The following DNAJB4 variants were observed in gnomAD, a reference collection of about 807,000 sequenced individuals.
DNAJB4 encodes the protein DnaJ heat shock protein family (Hsp40) member B4.
DNAJB4 carries 10 observed loss-of-function variants against 26.6 expected under a neutral mutation model. The observed-to-expected ratio is 0.38, with a 90% CI of 0.23 to 0.64. The LOEUF is 0.64. Among genes scored for constraint, DNAJB4 ranks in the 30% least tolerant of loss-of-function variants. The pLI, the probability that DNAJB4 is intolerant of heterozygous loss-of-function variation, is 0.58. For synonymous variants in DNAJB4, 136 were observed against 134.8 expected (o/e 1.01, Z -0.06); for missense variants, 328 against 408.2 (o/e 0.80, Z 1.69).
chr1:77,997,999 T>C (rs932029697), intron 1 of DNAJB4, among the ~76,000 whole-genome samples: 2 of 152,160 alleles, frequency 1.3e-5, no homozygotes, highest in Non-Finnish European at 2.9e-5. Context: ...GGTCTTGAAC[T>C]CCTGGCCTCA....
intron 1 of DNAJB4, among the ~76,000 whole-genome samples, chr1:77,999,267 A>G (rs1249575434): frequency 6.6e-6 from 1 of 152,232 alleles, no homozygotes; most frequent in Non-Finnish European, 1.5e-5. Flanking sequence ...TGTATGTTTA[A>G]GAATTGTCAA....
intron 1 of DNAJB4, among the ~76,000 whole-genome samples, chr1:77,988,540 T>G (rs191731368): frequency 2.6e-4 from 39 of 152,320 alleles, no homozygotes; most frequent in African/African-American, 9.1e-4. Context: ...TCAGCCACCT[T>G]GCGGTTCCTC....
intron 1 of DNAJB4, among the ~76,000 whole-genome samples, chr1:77,996,366 G>A (rs552894534): frequency 3.9e-5 from 6 of 152,062 alleles, no homozygotes; most frequent in Admixed American, 2.0e-4. Context: ...TGTTACCCAG[G>A]CTAGTCTCAA....
rs558664084 is a variant in DNAJB4, at chr1:78,009,148, A to G, written c.211+3827A>G. Among the ~76,000 whole-genome samples the G allele has an allele frequency of 6.6e-5, 10 of 152,238 alleles. No individual in the cohort carries two copies. In the South Asian group the frequency reaches 1.9e-3, roughly 28 times the overall value. ...TGTGTGTTCTAAAAACATGTAAGTA[A>G]ATTTGATTTTTGTGAATTAAAACTG... On this transcript the variant is annotated intron_variant, in intron 1 of 2. Transcript: ENST00000370763.
chr1:78,013,353 T>C lies in DNAJB4; in HGVS notation c.514T>C (p.Tyr172His), dbSNP rs774051920. The change falls in exon 2 of 3, where the codon TAT (tyrosine) becomes CAT (histidine). Residue 172 changes from tyrosine to histidine, a missense_variant. Physicochemically the swap from Tyr to His is moderately conservative, Grantham distance 83. Transcript: ENST00000370763. ...ACTTAGAGTATCACTTGAAGAGATA[T>C]ATAGTGGTTGTACCAAACGGATGAA... is the stretch of plus-strand genomic sequence containing the variant. The part of the protein sequence containing the change: ...HELRVSLEEI[Y>H]SGCTKRMKIS... 8 of 1,614,166 alleles carry C rather than the reference T, an allele frequency of 5.0e-6. No homozygotes were observed. Among genetic ancestry groups the C allele is most frequent in the Non-Finnish European group, 5.9e-6 (7 of 1,180,036 alleles).
upstream of DNAJB4, among the ~76,000 whole-genome samples, chr1:78,001,293 T>C (rs60470980): frequency 0.048 from 7,325 of 151,528 alleles, 395 homozygotes; most frequent in African/African-American, 0.14. Flanking sequence ...TGAGCTATGA[T>C]TGTGCCACTT....
At chr1:78,009,887 G>A (rs1439153889) in intron 1 of DNAJB4, among the ~76,000 whole-genome samples, 2 of 152,154 alleles carry the variant, frequency 1.3e-5, no homozygotes, top group African/African-American at 4.8e-5. Context: ...GCCTCCCAAA[G>A]TTCTGGGATT....
At chr1:77,979,206 G>A (rs558792681), upstream of DNAJB4, 2 of 575,190 alleles carry the variant, frequency 3.5e-6, no homozygotes, top group South Asian at 2.3e-5. Flanking sequence ...GAGAAAGAAC[G>A]ACAGGAACAG....
At chr1:78,001,574 CTT>C (rs1660195930), upstream of DNAJB4, among the ~76,000 whole-genome samples, 1 of 152,032 alleles carries the variant, frequency 6.6e-6, no homozygotes, top group Non-Finnish European at 1.5e-5. Context: ...AAAAAGAAAA[CTT>C]GTTTTTTATT....
intron 1 of DNAJB4, among the ~76,000 whole-genome samples, chr1:77,990,523 A>C (rs1366772069): frequency 6.6e-6 from 1 of 152,116 alleles, no homozygotes; most frequent in Non-Finnish European, 1.5e-5. Flanking sequence ...GTAGTTAGCC[A>C]GAGAAATAGA....
intron 1 of DNAJB4, among the ~76,000 whole-genome samples, chr1:77,986,964 A>C (rs892748108): frequency 1.3e-5 from 2 of 152,056 alleles, no homozygotes; most frequent in Non-Finnish European, 2.9e-5. Flanking sequence ...CATGATTGTT[A>C]AATGGAAGGG....
chr1:78,006,507 C>T (rs1297942832), intron 1 of DNAJB4, among the ~76,000 whole-genome samples: 2 of 152,088 alleles, frequency 1.3e-5, no homozygotes, highest in Non-Finnish European at 2.9e-5. Flanking sequence ...TATAGTCAAG[C>T]AGTGACTGCT....
intron 1 of DNAJB4, among the ~76,000 whole-genome samples, chr1:77,990,471 A>G (rs1659905285): frequency 6.6e-6 from 1 of 152,230 alleles, no homozygotes; most frequent in Admixed American, 6.5e-5. Flanking sequence ...TGAGTCAAAA[A>G]TTAAATAAAA....
chr1:78,007,160 G>GT (rs903598842), intron 1 of DNAJB4, among the ~76,000 whole-genome samples: 148 of 146,314 alleles, frequency 1.0e-3, no homozygotes, highest in Middle Eastern at 3.7e-3. Context: ...TATACCCTGG[G>GT]TTTTTTTTTT....
At position 77,995,458 on chromosome 1, in the gene DNAJB4, T is replaced by C. The variant is rs1660038360; in HGVS notation, c.-31-9622T>C. ...TTAAAATTTTTTGGCTAATACAGTGTTTTTGGTTTTGAGACAGTCTTGCTC... is the reference window on the plus strand; with the variant it reads ...TTAAAATTTTTTGGCTAATACAGTGCTTTTGGTTTTGAGACAGTCTTGCTC... On this transcript the variant is annotated intron_variant, in intron 1 of 2. Transcript: ENST00000426517. 3.3e-5 allele frequency among the ~76,000 whole-genome samples: 5 copies of C among 152,238 alleles called. No homozygotes were observed. In the Middle Eastern group the frequency reaches 0.01, roughly 311 times the overall value.
chr1:77,984,156 A>G (rs1188111235), intron 1 of DNAJB4, among the ~76,000 whole-genome samples: 1 of 152,242 alleles, frequency 6.6e-6, no homozygotes, highest in Admixed American at 6.5e-5. Flanking sequence ...GGAATGGTCC[A>G]AATCAGGCTG....
chr1:77,981,006 T>C (rs1414996892), intron 1 of DNAJB4, among the ~76,000 whole-genome samples: 1 of 152,216 alleles, frequency 6.6e-6, no homozygotes, highest in Non-Finnish European at 1.5e-5. Context: ...TTTGAAAATG[T>C]CTTGATTTTT....
At chr1:77,979,344 G>A (rs1440044917), upstream of DNAJB4, 4 of 273,868 alleles carry the variant, frequency 1.5e-5, no homozygotes, top group Non-Finnish European at 2.8e-5. Context: ...GTGGCCAGTT[G>A]ACTGCGACTG....
In DNAJB4 at chr1:78,012,159, C is replaced by CT. The variant is rs1270987929; in HGVS notation, c.212-871dup. Among the ~76,000 whole-genome samples, 99 of 88,802 alleles carry CT rather than the reference C, an allele frequency of 1.1e-3. 1 individual carries two copies. The highest frequency in any genetic ancestry group is 4.3e-3 in the East Asian group (11 of 2,548). The allele number at this position is 88,802 out of a possible 152,430, so 58.3% of individuals were successfully genotyped here. ...TTTTATTTTCTTTTTCTTTTCTTTT[C>CT]TTTTTTTTTTTTTTTTTTTTTGAGA... On this transcript the variant is annotated intron_variant, in intron 1 of 2. Coordinates refer to ENST00000370763, the MANE Select transcript of DNAJB4 (RefSeq NM_007034.5).
Sources: gnomAD v4.1 joint callset for allele counts (sites outside exome capture counted in the v4.1 genomes callset) on GRCh38, gnomAD v4.1.1 for gene constraint, MANE v1.5 for transcripts, NCBI Gene and HGNC (gene_info 2026-07-23, HGNC 2026-07-21) for gene names.